Variants in EIF2D observed in about 807,000 individuals in gnomAD.
The protein encoded by EIF2D is eukaryotic translation initiation factor 2D, also known as hepatocellular carcinoma-associated antigen 56.
Under a neutral mutation model 77.4 loss-of-function variants are expected in EIF2D, and 56 were observed. The ratio of observed to expected loss-of-function variants is 0.72; its 90% CI spans 0.58 to 0.90. EIF2D has a LOEUF of 0.90. Ranked by LOEUF, EIF2D falls within the 40% of genes least tolerant of loss-of-function variation. The pLI is 0.00. For missense variants in EIF2D, 574 were observed against 706.5 expected (o/e 0.81, Z 2.13); for synonymous variants, 230 against 271.0 (o/e 0.85, Z 1.49).
chr1:206,609,388 C>G lies in EIF2D; in HGVS notation c.319G>C (p.Val107Leu), dbSNP rs782370942. Residue 107 changes from valine to leucine, a missense_variant, in exon 3 of 15, where the codon GTA becomes CTA. By Grantham distance (32) the Val-to-Leu change is conservative. Coordinates refer to ENST00000271764, the MANE Select transcript of EIF2D (RefSeq NM_006893.3). ...AGAATCCTCTTACCTGCTCCCCCTA[C>G]CAGTTTCTCGAGCACCAGAGGCCAT... Reference protein sequence around the residue: ...TTWPLVLEKLVGGADLMLPGL... With the variant: ...TTWPLVLEKLLGGADLMLPGL... The G allele has an allele frequency of 6.8e-6, 11 of 1,614,192 alleles. No individual in the cohort carries two copies. The South Asian group carries it at 1.1e-4, about 16-fold the overall frequency.
At chr1:206,607,190 C>G (rs564251382) in intron 4 of EIF2D, among the ~76,000 whole-genome samples, 63 of 151,518 alleles carry the variant, frequency 4.2e-4, no homozygotes, top group African/African-American at 1.5e-3. Context: ...TTTAAATGTC[C>G]GCATAAAAAT....
At chr1:206,602,539 C>T in intron 6 of EIF2D, 86 bp from the exon 7 acceptor site, 2 of 1,198,838 alleles carry the variant, frequency 1.7e-6, no homozygotes, top group South Asian at 1.3e-5. Context: ...TCATCCCTAC[C>T]TCACCCACTT....
In EIF2D at chr1:206,591,644, T is replaced by C; in HGVS notation, c.*131A>G. Reference sequence around the variant, plus strand: ...GAGGAAACAAGAGGGAAGTCAGATTTAGATTAGAATAAAAATTTATTTTTG... The same window carrying C: ...GAGGAAACAAGAGGGAAGTCAGATTCAGATTAGAATAAAAATTTATTTTTG... On this transcript the variant is annotated 3_prime_UTR_variant, in exon 15 of 15. Transcript: ENST00000271764. 1 of 845,498 alleles carries C rather than the reference T, an allele frequency of 1.2e-6. No individual in the cohort carries two copies. The allele number at this position is 845,498 out of a possible 1,614,324, so 52.4% of individuals were successfully genotyped here. A position where few individuals can be genotyped will look rare whatever the true frequency, so the allele number is the denominator to read the frequency against.
chr1:206,582,655 A>G (rs1668940146), intron 2 of EIF2D, among the ~76,000 whole-genome samples: 1 of 152,202 alleles, frequency 6.6e-6, no homozygotes, highest in Non-Finnish European at 1.5e-5. Context: ...TCACTCGTTC[A>G]TTTGACAAAT....
chr1:206,582,573 G>T (rs949488955), intron 2 of EIF2D, among the ~76,000 whole-genome samples: 3 of 152,318 alleles, frequency 2.0e-5, no homozygotes, highest in Admixed American at 2.0e-4. Flanking sequence ...AATTCTAGGT[G>T]TCCCTGTGCC....
In EIF2D at chr1:206,595,610, T is replaced by G. The variant is rs1199250458; in HGVS notation, c.1509+108A>C. ...ACACGGGTGTTTCATAAAAAAATCT[T>G]TGATGAGTTTGAGGCCAATCTAAAA... On this transcript the variant is annotated intron_variant, in intron 13 of 14. Transcript: ENST00000271764. 2.2e-6 allele frequency: 3 copies of G among 1,380,338 alleles called. No individual in the cohort carries two copies. The East Asian group carries it at 7.1e-5, about 33-fold the overall frequency. The allele number at this position is 1,380,338 out of a possible 1,614,324, so 85.5% of individuals were successfully genotyped here. A position where few individuals can be genotyped will look rare whatever the true frequency, so the allele number is the denominator to read the frequency against.
intron 4 of EIF2D, among the ~76,000 whole-genome samples, chr1:206,607,165 T>C (rs1295730019): frequency 6.6e-6 from 1 of 152,140 alleles, no homozygotes; most frequent in Non-Finnish European, 1.5e-5. Flanking sequence ...TAAAGTTAAA[T>C]GTGTATTGTT....
intron 4 of EIF2D, among the ~76,000 whole-genome samples, chr1:206,574,219 C>T (rs1668552950): frequency 6.6e-6 from 1 of 152,202 alleles, no homozygotes; most frequent in Admixed American, 6.5e-5. Flanking sequence ...ATGCTGGCAA[C>T]CTGAGGAGTC....
At chr1:206,569,654 G>A (rs969575942), downstream of EIF2D, among the ~76,000 whole-genome samples, 1 of 152,194 alleles carries the variant, frequency 6.6e-6, no homozygotes, top group Admixed American at 6.5e-5. Flanking sequence ...TCATGACTTA[G>A]TTTGCTCTAG....
intron 4 of EIF2D, among the ~76,000 whole-genome samples, chr1:206,576,229 C>A (rs1477834996): frequency 6.6e-6 from 1 of 152,200 alleles, no homozygotes; most frequent in Non-Finnish European, 1.5e-5. Flanking sequence ...TAGGCTCTTG[C>A]AGTATGGATT....
chr1:206,604,214 G>A (rs1553412111), intron 5 of EIF2D, among the ~76,000 whole-genome samples: 3 of 152,130 alleles, frequency 2.0e-5, no homozygotes, highest in Admixed American at 6.6e-5. Context: ...AGGCCTAGAT[G>A]GGCAGATCAC....
At chr1:206,578,597 A>C (rs1668747279) in intron 4 of EIF2D, among the ~76,000 whole-genome samples, 2 of 152,182 alleles carry the variant, frequency 1.3e-5, no homozygotes, top group South Asian at 4.1e-4. Flanking sequence ...ATTTAAAAAG[A>C]GTGAGAGTGA....
downstream of EIF2D, chr1:206,586,679 G>A (rs1241506257): frequency 8.9e-6 from 6 of 675,398 alleles, no homozygotes; most frequent in South Asian, 3.8e-5. Context: ...CCCAGGCTTC[G>A]CTGATTCAGT....
intron 5 of EIF2D, among the ~76,000 whole-genome samples, chr1:206,603,739 A>G (rs1670047394): frequency 6.6e-6 from 1 of 152,218 alleles, no homozygotes; most frequent in African/African-American, 2.4e-5. Context: ...AGAGATTGCC[A>G]TGGTTTTATG....
chr1:206,612,449 G>A lies in EIF2D; in HGVS notation c.-107C>T, dbSNP rs1468788741. 4.1e-6 allele frequency: 6 copies of A among 1,458,718 alleles called. No homozygotes were observed. The highest frequency in any genetic ancestry group is 3.5e-5 in the Admixed American group (2 of 56,478). 90.4% of individuals were successfully genotyped at this position (1,458,718 alleles called of 1,614,324 possible). A position where few individuals can be genotyped will look rare whatever the true frequency, so the allele number is the denominator to read the frequency against. Reference sequence around the variant, plus strand: ...CAGCCGTGGGGGCAGCCATGCTGGGGCCCGGCCGCGAAAAGGGCCCGGCTG... The same window carrying A: ...CAGCCGTGGGGGCAGCCATGCTGGGACCCGGCCGCGAAAAGGGCCCGGCTG... On this transcript the variant is annotated 5_prime_UTR_variant, in exon 1 of 15. Coordinates refer to ENST00000271764, the MANE Select transcript of EIF2D (RefSeq NM_006893.3).
chr1:206,591,788 C>T lies in EIF2D; in HGVS notation c.1742G>A (p.Gly581Asp), dbSNP rs782404942. Residue 581 changes from glycine (G) to aspartate (D), a missense_variant, in exon 15 of 15, where the codon GGC (glycine) becomes GAC (aspartate). Physicochemically the swap from Gly to Asp is moderately conservative, Grantham distance 94. Coordinates refer to ENST00000271764, the MANE Select transcript of EIF2D (RefSeq NM_006893.3). ...IQGLEKALKP[G>D]KKK ...CAAAAGAGTCTGTCACTTCTTCTTG[C>T]CAGGTTTGAGGGCCTTTTCTAGACC... The T allele has an allele frequency of 1.2e-6, 2 of 1,614,194 alleles. No individual in the cohort carries two copies. Among genetic ancestry groups the T allele is most frequent in the Non-Finnish European group, 1.7e-6 (2 of 1,180,024 alleles).
intron 3 of EIF2D, 122 bp from the exon 4 acceptor site, chr1:206,608,448 T>C: frequency 1.3e-6 from 1 of 744,790 alleles, no homozygotes; most frequent in Non-Finnish European, 2.1e-6. Flanking sequence ...ATGTTTTTCA[T>C]AATAAAAATG....
intron 14 of EIF2D, 134 bp from the exon 15 acceptor site, chr1:206,591,979 TA>T: frequency 2.6e-6 from 2 of 772,270 alleles, no homozygotes; most frequent in Non-Finnish European, 4.6e-6. Flanking sequence ...CACTTACGCC[TA>T]CACCTCACAG....
At position 206,584,208 on chromosome 1, in the gene EIF2D, C is replaced by T. The variant is rs2103571161; in HGVS notation, c.139-3046G>A. Reference sequence around the variant, plus strand: ...TTGGTAGCTGGATCCTGAGGGTCTTCTCCCAGCCCACTATGGGGAAAGGGA... The same window carrying T: ...TTGGTAGCTGGATCCTGAGGGTCTTTTCCCAGCCCACTATGGGGAAAGGGA... On this transcript the variant is annotated intron_variant and NMD_transcript_variant, in intron 2 of 5. Coordinates refer to the EIF2D transcript ENST00000472709. This position sits in a 1 kb window ranked among gnomAD's most constrained non-coding sequence, Gnocchi z 4.9. 6.6e-6 allele frequency among the ~76,000 whole-genome samples: 1 copy of T among 152,340 alleles called. No homozygotes were observed. The highest frequency in any genetic ancestry group is 2.1e-4 in the South Asian group (1 of 4,834).
Sources: gnomAD v4.1 joint callset for allele counts (sites outside exome capture counted in the v4.1 genomes callset) on GRCh38, gnomAD v4.1.1 for gene constraint, Gnocchi (gnomAD v3.1) non-coding constraint, MANE v1.5 for transcripts, NCBI Gene and HGNC (gene_info 2026-07-23, HGNC 2026-07-21) for gene names.